Variants in ZNF124 observed in about 807,000 individuals in gnomAD.
The protein encoded by ZNF124 is zinc finger protein HZF-16.
In ZNF124, 25 loss-of-function variants were observed where a neutral mutation model predicts 26.6. The observed-to-expected ratio is 0.94, with a 90% CI of 0.68 to 1.31. ZNF124 has a LOEUF of 1.31. Ranked by LOEUF, ZNF124 falls within the 40% of genes most tolerant of loss-of-function variation. ZNF124 has a pLI of 0.00. For missense variants in ZNF124, 444 were observed against 422.2 expected, an observed-to-expected ratio of 1.05 and a Z score of -0.45; for synonymous variants, 129 against 133.3, an observed-to-expected ratio of 0.97 and a Z score of 0.22.
At chr1:247,130,401 C>T (rs1201851549) in intron 3 of ZNF124, among the ~76,000 whole-genome samples, 2 of 152,098 alleles carry the variant, frequency 1.3e-5, no homozygotes, top group Admixed American at 6.5e-5. Context: ...ATTATGGCTG[C>T]AGAAAAATAC....
intron 3 of ZNF124, among the ~76,000 whole-genome samples, chr1:247,128,096 C>A (rs1558369833): frequency 6.6e-6 from 1 of 152,166 alleles, no homozygotes; most frequent in African/African-American, 2.4e-5. Flanking sequence ...CCAACTTCCC[C>A]TTTCCAATTT....
downstream of ZNF124, among the ~76,000 whole-genome samples, chr1:247,153,108 G>A (rs1672993657): frequency 1.3e-5 from 2 of 151,444 alleles, no homozygotes; most frequent in South Asian, 4.2e-4. Flanking sequence ...ACTCCAGCCT[G>A]GGCAACAGAG....
chr1:247,130,209 G>T (rs1342032888), intron 3 of ZNF124, among the ~76,000 whole-genome samples: 1 of 152,192 alleles, frequency 6.6e-6, no homozygotes, highest in African/African-American at 2.4e-5. Context: ...GTGTATATCA[G>T]AAAAATATTA....
intron 1 of ZNF124, among the ~76,000 whole-genome samples, chr1:247,166,341 C>G (rs1673777680): frequency 6.6e-6 from 1 of 152,154 alleles, no homozygotes; most frequent in Admixed American, 6.5e-5. Context: ...CCCATTCAAC[C>G]TAGCAATCCC....
Position 247,155,876 on chromosome 1 carries a change from A to AC in ZNF124, c.*689_*690insG, listed in dbSNP as rs1158815955. 1.0e-5 allele frequency: 8 copies of AC among 788,756 alleles called. No individual in the cohort carries two copies. Among genetic ancestry groups the AC allele is most frequent in the African/African-American group, 1.9e-5 (1 of 52,248 alleles). The allele number at this position is 788,756 out of a possible 1,614,324, so 48.9% of individuals were successfully genotyped here. A position where few individuals can be genotyped will look rare whatever the true frequency, so the allele number is the denominator to read the frequency against. ...ACTCCATCTCAAAAAAAAAAAAAAA[A>AC]GTCTCACCTCAATTTTTTTTTTTTC... is the stretch of plus-strand genomic sequence containing the variant. On this transcript the variant is annotated 3_prime_UTR_variant, in exon 4 of 4. Coordinates refer to ENST00000543802, the MANE Select transcript of ZNF124 (RefSeq NM_001297568.2).
chr1:247,124,836 C>G (rs2103096465), intron 3 of ZNF124, among the ~76,000 whole-genome samples: 1 of 152,290 alleles, frequency 6.6e-6, no homozygotes, highest in Middle Eastern at 3.4e-3. Flanking sequence ...CTCGCTCTGT[C>G]ACCCAGGCTG....
chr1:247,170,721 C>G (rs115748289), intron 1 of ZNF124, among the ~76,000 whole-genome samples: 2,239 of 140,666 alleles, frequency 0.016, 161 homozygotes, highest in East Asian at 0.082. Context: ...GATCGATTGA[C>G]CAAGCAGGGG....
chr1:247,144,599 CCT>C (rs1458521064), intron 3 of ZNF124, among the ~76,000 whole-genome samples: 2 of 151,986 alleles, frequency 1.3e-5, no homozygotes, highest in African/African-American at 2.4e-5. Context: ...CTACAGAGCT[CCT>C]GTCAAGCTGA....
At chr1:247,124,830 C>T (rs1347794505) in intron 3 of ZNF124, among the ~76,000 whole-genome samples, 1 of 152,182 alleles carries the variant, frequency 6.6e-6, no homozygotes, top group East Asian at 1.9e-4. Context: ...CAGGGTCTCG[C>T]TCTGTCACCC....
At chr1:247,158,631 GTTT>G (rs925633994) in intron 3 of ZNF124, among the ~76,000 whole-genome samples, 3 of 147,018 alleles carry the variant, frequency 2.0e-5, no homozygotes, top group African/African-American at 7.5e-5. Context: ...TGTTTGCTTG[GTTT>G]TTTTTTTTCC....
intron 3 of ZNF124, among the ~76,000 whole-genome samples, chr1:247,141,281 T>G (rs1270741594): frequency 6.6e-6 from 1 of 151,180 alleles, no homozygotes; most frequent in Admixed American, 6.6e-5. Flanking sequence ...TGTCTGAGGA[T>G]AGCAAGGGCA....
chr1:247,123,671 A>G (rs562857789), exon 4 of ZNF124: 25 of 576,168 alleles, frequency 4.3e-5, no homozygotes, highest in African/African-American at 3.4e-4. Flanking sequence ...ATGGATCCCA[A>G]TCTCACAGGA....
intron 3 of ZNF124, among the ~76,000 whole-genome samples, chr1:247,127,838 T>C (rs4925591): frequency 0.24 from 35,177 of 145,738 alleles, 657 homozygotes; most frequent in African/African-American, 0.34. Context: ...TGCCAAAGCT[T>C]CCGGCAGAAT....
chr1:247,159,721 C>T lies in ZNF124; in HGVS notation c.123G>A (p.Val41=). 6.2e-7 allele frequency: 1 copy of T among 1,613,242 alleles called. No individual in the cohort carries two copies. Among genetic ancestry groups the T allele is most frequent in the Non-Finnish European group, 8.5e-7 (1 of 1,179,820 alleles). Residue 41 remains valine (V), a synonymous_variant, in exon 2 of 4, where the codon GTG becomes GTA. Coordinates refer to ENST00000543802, the MANE Select transcript of ZNF124 (RefSeq NM_001297568.2). ...CCAGATTCCTGAAGGTTTCCTGCAT[C>T]ACGTCTCTATAGAGATTCTTCTGGG... ...DPSQKNLYRD[V]MQETFRNLAS...
At chr1:247,170,434 G>A (rs967106393) in intron 1 of ZNF124, among the ~76,000 whole-genome samples, 1 of 150,700 alleles carries the variant, frequency 6.6e-6, no homozygotes, top group African/African-American at 2.4e-5. Context: ...TGGGGAATAC[G>A]GTCATGGATT....
rs1407462273 is a variant in ZNF124 at position 247,168,178 on chromosome 1, A to G, written c.30+3670T>C. ...TTAAAGAACTAAAAGTAGAACTACC[A>G]TTCAATCCAGCAATGCCACTACTGG... On this transcript the variant is annotated intron_variant, in intron 1 of 3. Transcript: ENST00000543802. This position sits in a 1 kb window ranked among gnomAD's most constrained non-coding sequence, Gnocchi z 4.0. Among the ~76,000 whole-genome samples the G allele has an allele frequency of 6.6e-6, 1 of 152,238 alleles. No homozygotes were observed.
rs147772992 is a variant in ZNF124, at chr1:247,157,397, G to C, written c.225C>G (p.Ile75Met). 1 of 1,552,290 alleles carries C rather than the reference G, an allele frequency of 6.4e-7. No individual in the cohort carries two copies. Among genetic ancestry groups the C allele is most frequent in the Non-Finnish European group, 8.7e-7 (1 of 1,147,200 alleles). ...YKNSSRNLRH[I>M]ISHSGNNPYG... ...ATGGGTTGTTTCCAGAATGAGATAT[G>C]ATGTGCCTATGAAGGGATGAATGAC... The change falls in exon 4 of 4, where the codon ATC becomes ATG. Residue 75 changes from isoleucine (I) to methionine (M), a missense_variant. By Grantham distance (10) the Ile-to-Met change is conservative. Coordinates refer to ENST00000543802, the MANE Select transcript of ZNF124 (RefSeq NM_001297568.2).
At chr1:247,139,234 C>G (rs1278660650) in intron 3 of ZNF124, among the ~76,000 whole-genome samples, 1 of 152,236 alleles carries the variant, frequency 6.6e-6, no homozygotes, top group Non-Finnish European at 1.5e-5. Context: ...TACTGAGACC[C>G]ATCTCAAATT....
At chr1:247,137,507 A>G (rs112075536) in intron 3 of ZNF124, among the ~76,000 whole-genome samples, 25,541 of 144,006 alleles carry the variant, frequency 0.18, 2,695 homozygotes, top group Middle Eastern at 0.3. Context: ...AAAAAAAAAA[A>G]AAAGAAAGAA....
Sources: allele counts gnomAD v4.1 joint callset (sites outside exome capture counted in the v4.1 genomes callset), GRCh38; gene constraint gnomAD v4.1.1; non-coding constraint Gnocchi (gnomAD v3.1); transcripts MANE v1.5; gene names NCBI Gene and HGNC (gene_info 2026-07-23, HGNC 2026-07-21).